AIM2: variants seen among roughly 807,000 people sequenced by gnomAD.
AIM2 encodes interferon-inducible protein AIM2.
A neutral mutation model predicts 27.7 loss-of-function variants in AIM2; 30 were observed. That is an observed-to-expected ratio of 1.08 (90% CI 0.81 to 1.47). The LOEUF (loss-of-function observed/expected upper bound fraction) is 1.47. Ranked by LOEUF, AIM2 falls within the 40% of genes most tolerant of loss-of-function variation. The pLI is 0.00. For synonymous variants in AIM2, 141 were observed against 145.3 expected (o/e 0.97, Z 0.21); for missense variants, 358 against 411.3 (o/e 0.87, Z 1.12).
chr1:159,074,280 T>C (rs1401289870), intron 1 of AIM2, among the ~76,000 whole-genome samples: 1 of 152,198 alleles, frequency 6.6e-6, no homozygotes, highest in Non-Finnish European at 1.5e-5. Flanking sequence ...ATTAGAAGAT[T>C]TTATGTCTTC....
intron 1 of AIM2, among the ~76,000 whole-genome samples, chr1:159,140,090 G>A (rs879734295): frequency 3.3e-5 from 5 of 151,894 alleles, no homozygotes; most frequent in African/African-American, 9.7e-5. Context: ...CCTTTCAGGC[G>A]AGGGCTTAAA....
At chr1:159,088,694 G>A (rs1051035074) in intron 1 of AIM2, among the ~76,000 whole-genome samples, 1 of 152,098 alleles carries the variant, frequency 6.6e-6, no homozygotes, top group African/African-American at 2.4e-5. Flanking sequence ...ATGGCTTAAT[G>A]GACTAATAGC....
chr1:159,102,091 A>T (rs1657324950), intron 1 of AIM2, among the ~76,000 whole-genome samples: 2 of 152,162 alleles, frequency 1.3e-5, no homozygotes, highest in African/African-American at 4.8e-5. Context: ...GGCTGGGACC[A>T]GGTGCCCCCT....
chr1:159,140,284 T>C (rs1451493164), intron 1 of AIM2: 1 of 152,214 alleles, frequency 6.6e-6, no homozygotes, highest in Non-Finnish European at 1.5e-5. Context: ...TGTTAGCTCT[T>C]ACTAGAAGAA....
At chr1:159,114,841 G>A (rs1285089578) in intron 1 of AIM2, among the ~76,000 whole-genome samples, 6 of 152,178 alleles carry the variant, frequency 3.9e-5, no homozygotes, top group African/African-American at 1.4e-4. Flanking sequence ...AGGGCAATCA[G>A]GCAGGAGAAG....
chr1:159,115,623 C>T (rs1419063727), intron 1 of AIM2, among the ~76,000 whole-genome samples: 3 of 152,202 alleles, frequency 2.0e-5, no homozygotes, highest in Admixed American at 1.3e-4. Flanking sequence ...GGAAAACTGG[C>T]TAGCCATATG....
intron 1 of AIM2, among the ~76,000 whole-genome samples, chr1:159,097,879 T>TA (rs1292129155): frequency 6.6e-6 from 1 of 152,066 alleles, no homozygotes; most frequent in Non-Finnish European, 1.5e-5. Context: ...AAAGGAGAAA[T>TA]AAAGTGAAAA....
rs1465174878 is a variant in AIM2, at chr1:159,121,806, C to G, written c.-16+18625G>C. Among the ~76,000 whole-genome samples, 6 of 152,154 alleles carry G rather than the reference C, an allele frequency of 3.9e-5. No homozygotes were observed. The East Asian group carries it at 1.2e-3, about 29-fold the overall frequency. The stretch of plus-strand genomic sequence containing the variant: ...TTTCTCTTGGCTCTCAATTTAAAAT[C>G]ATGTCACTGAAACTTAAAAGCCTTT... On this transcript the variant is annotated intron_variant, in intron 1 of 2. Transcript: ENST00000368129.
chr1:159,066,236 G>T lies in AIM2; in HGVS notation c.490C>A (p.Pro164Thr). Residue 164 changes from proline to threonine, a missense_variant, in exon 4 of 6, where the codon CCC becomes ACC. Physicochemically the swap from Pro to Thr is conservative, Grantham distance 38. Coordinates refer to ENST00000368130, the MANE Select transcript of AIM2 (RefSeq NM_004833.3). ...LPVMVLKAKK[P>T]FTFETQEGKQ... ...CCTTCTTGGGTCTCAAACGTGAAGG[G>T]CTTCTTTGCTTTCAGTACCATAACT... The T allele has an allele frequency of 6.2e-7, 1 of 1,614,150 alleles. No homozygotes were observed. Among genetic ancestry groups the T allele is most frequent in the Non-Finnish European group, 8.5e-7 (1 of 1,180,024 alleles).
chr1:159,091,147 A>G (rs921522425), intron 1 of AIM2, among the ~76,000 whole-genome samples: 8 of 152,234 alleles, frequency 5.3e-5, no homozygotes, highest in Non-Finnish European at 8.8e-5. Flanking sequence ...AATGGTAAAA[A>G]TAATTAATAC....
upstream of AIM2, among the ~76,000 whole-genome samples, chr1:159,141,490 G>A (rs1294331622): frequency 1.3e-5 from 2 of 152,070 alleles, no homozygotes; most frequent in Non-Finnish European, 2.9e-5. Flanking sequence ...AAGAGAGAAG[G>A]TCCAGGATTC....
At chr1:159,082,882 T>C (rs968741475) in intron 1 of AIM2, among the ~76,000 whole-genome samples, 2 of 152,160 alleles carry the variant, frequency 1.3e-5, no homozygotes, top group Non-Finnish European at 2.9e-5. Context: ...CTGAAACTTG[T>C]TCAAAACAGG....
At chr1:159,120,858 T>A (rs896895447) in intron 1 of AIM2, among the ~76,000 whole-genome samples, 2 of 152,094 alleles carry the variant, frequency 1.3e-5, no homozygotes, top group Non-Finnish European at 2.9e-5. Context: ...CAGAAGGAAA[T>A]GCATTTACCC....
chr1:159,075,808 T>C (rs1051104033), intron 1 of AIM2, among the ~76,000 whole-genome samples: 2 of 152,110 alleles, frequency 1.3e-5, no homozygotes, highest in African/African-American at 4.8e-5. Flanking sequence ...AGCAGCAACA[T>C]ATAAAGTGGA....
chr1:159,125,828 G>C (rs950231448), intron 1 of AIM2, among the ~76,000 whole-genome samples: 1 of 152,078 alleles, frequency 6.6e-6, no homozygotes, highest in African/African-American at 2.4e-5. Flanking sequence ...GGGTAAGGTC[G>C]GCCTGTGTGT....
chr1:159,113,093 C>T (rs954284702), intron 1 of AIM2, among the ~76,000 whole-genome samples: 8 of 151,896 alleles, frequency 5.3e-5, no homozygotes, highest in Non-Finnish European at 1.0e-4. Context: ...TACAGGCATC[C>T]GCCACCACGC....
intron 1 of AIM2, among the ~76,000 whole-genome samples, chr1:159,091,939 G>T (rs527407453): frequency 1.3e-5 from 2 of 152,270 alleles, no homozygotes; most frequent in Admixed American, 1.3e-4. Context: ...AATGTAGCAG[G>T]GCCACAGGAA....
chr1:159,129,850 A>T (rs1647819571), intron 1 of AIM2, among the ~76,000 whole-genome samples: 1 of 152,188 alleles, frequency 6.6e-6, no homozygotes. Flanking sequence ...CCTGTCAAAC[A>T]AACCACTCCC....
chr1:159,102,344 G>A (rs1657334394), intron 1 of AIM2, among the ~76,000 whole-genome samples: 1 of 152,264 alleles, frequency 6.6e-6, no homozygotes, highest in African/African-American at 2.4e-5. Flanking sequence ...GAGGTGTGCT[G>A]CAGAGGCAAA....
Sources: gnomAD v4.1 joint callset for allele counts (sites outside exome capture counted in the v4.1 genomes callset) on GRCh38, gnomAD v4.1.1 for gene constraint, MANE v1.5 for transcripts, NCBI Gene and HGNC (gene_info 2026-07-23, HGNC 2026-07-21) for gene names.